Variants in SLC24A3 observed in about 807,000 individuals in gnomAD.
The protein encoded by SLC24A3 is solute carrier family 24 member 3, also known as sodium/potassium/calcium exchanger 3.
Under a neutral mutation model 75.8 loss-of-function variants are expected in SLC24A3, and 28 were observed. The observed-to-expected ratio is 0.37, with a 90% confidence interval of 0.27 to 0.51. The LOEUF (loss-of-function observed/expected upper bound fraction) is 0.51, where lower values mean the gene tolerates loss of function less well. Among genes scored for constraint, SLC24A3 ranks in the 20% least tolerant of loss-of-function variants. The probability of loss-of-function intolerance (pLI) is 0.94; values close to 1 mark genes in which losing one functional copy is unlikely to be tolerated. For missense variants in SLC24A3, 663 were observed against 847.8 expected (o/e 0.78, Z 2.71); for synonymous variants, 372 against 334.1 (o/e 1.11, Z -1.24).
intron 2 of SLC24A3, among the ~76,000 whole-genome samples, chr20:19,501,803 G>A (rs544589562): frequency 2.0e-5 from 3 of 152,168 alleles, no homozygotes; most frequent in South Asian, 2.1e-4. Flanking sequence ...GTTTATCCAC[G>A]TAAGTTGACA....
Position 19,212,935 on chromosome 20 carries a change from C to T in SLC24A3, c.93C>T (p.Ala31=). Residue 31 remains alanine, a synonymous_variant, in exon 1 of 17, where the codon GCC becomes GCT. Transcript: ENST00000328041. ...DLLLSQLCFL[A]SVALLLWSLS... Reference sequence around the variant, plus strand: ...TGCTGAGCCAGCTCTGCTTCCTGGCCTCGGTGGCGCTGCTGCTCTGGTCGC... The same window carrying T: ...TGCTGAGCCAGCTCTGCTTCCTGGCTTCGGTGGCGCTGCTGCTCTGGTCGC... 1 of 1,348,936 alleles carries T rather than the reference C, an allele frequency of 7.4e-7. No individual in the cohort carries two copies. The highest frequency in any genetic ancestry group is 1.5e-5 in the African/African-American group (1 of 66,932). 83.6% of individuals were successfully genotyped at this position (1,348,936 alleles called of 1,614,324 possible). A position where few individuals can be genotyped will look rare whatever the true frequency, so the allele number is the denominator to read the frequency against.
chr20:19,702,879 G>T (rs1157694088), intron 15 of SLC24A3, among the ~76,000 whole-genome samples: 1 of 152,124 alleles, frequency 6.6e-6, no homozygotes, highest in Non-Finnish European at 1.5e-5. Context: ...AAAATTTCTG[G>T]TTAGCTTATT....
chr20:19,235,417 TA>T (rs1316310724), intron 1 of SLC24A3, among the ~76,000 whole-genome samples: 1 of 152,182 alleles, frequency 6.6e-6, no homozygotes, highest in Non-Finnish European at 1.5e-5. Context: ...TGCCTTAATC[TA>T]AAGCAAAACT....
intron 2 of SLC24A3, among the ~76,000 whole-genome samples, chr20:19,301,941 C>A (rs914626507): frequency 1.3e-5 from 2 of 152,240 alleles, no homozygotes; most frequent in Non-Finnish European, 2.9e-5. Context: ...TAAAGCCCTG[C>A]ATTCTCTCAA....
At chr20:19,703,197 GAGA>G (rs1246477402) in intron 15 of SLC24A3, among the ~76,000 whole-genome samples, 2 of 152,150 alleles carry the variant, frequency 1.3e-5, no homozygotes, top group African/African-American at 4.8e-5. Context: ...TCCCTATGAA[GAGA>G]AGAACCCCAA....
intron 2 of SLC24A3, among the ~76,000 whole-genome samples, chr20:19,503,532 A>T (rs1600256416): frequency 6.6e-6 from 1 of 152,224 alleles, no homozygotes; most frequent in East Asian, 1.9e-4. Flanking sequence ...TAGTGCTTTG[A>T]CCTAAAATTA....
At chr20:19,375,621 A>G (rs559232809) in intron 2 of SLC24A3, among the ~76,000 whole-genome samples, 3 of 152,310 alleles carry the variant, frequency 2.0e-5, no homozygotes, top group African/African-American at 7.2e-5. Flanking sequence ...ATCAAACTCC[A>G]TGACAGATGT....
intron 3 of SLC24A3, among the ~76,000 whole-genome samples, chr20:19,571,455 G>A (rs1375050622): frequency 6.6e-6 from 1 of 152,082 alleles, no homozygotes; most frequent in Non-Finnish European, 1.5e-5. Flanking sequence ...GGAGGAAGAG[G>A]GAGAGAGAGG....
intron 2 of SLC24A3, among the ~76,000 whole-genome samples, chr20:19,356,854 AATAATAATAATAATAAT>A (rs1985696397): frequency 6.6e-6 from 1 of 151,152 alleles, no homozygotes. Flanking sequence ...ACTTTGCATT[AATAATAATAATAATAAT>A]AATAATTCCT....
At chr20:19,473,683 T>C (rs997129651) in intron 2 of SLC24A3, among the ~76,000 whole-genome samples, 3 of 152,204 alleles carry the variant, frequency 2.0e-5, no homozygotes, top group African/African-American at 7.2e-5. Flanking sequence ...CCTTGTGTGG[T>C]CTGTGTAGTT....
chr20:19,580,966 C>T (rs6075535), intron 4 of SLC24A3, among the ~76,000 whole-genome samples: 12,976 of 152,126 alleles, frequency 0.085, 646 homozygotes, highest in Middle Eastern at 0.12. Context: ...ATTTCTAATA[C>T]GTTTTTCAGG....
At chr20:19,430,872 G>A (rs1425499020) in intron 2 of SLC24A3, among the ~76,000 whole-genome samples, 3 of 151,946 alleles carry the variant, frequency 2.0e-5, no homozygotes, top group Non-Finnish European at 4.4e-5. Flanking sequence ...ACACACATAC[G>A]CAGACACGGT....
chr20:19,297,995 C>A (rs1984100040), intron 2 of SLC24A3, among the ~76,000 whole-genome samples: 1 of 152,206 alleles, frequency 6.6e-6, no homozygotes, highest in Non-Finnish European at 1.5e-5. Flanking sequence ...TGCAGCACTG[C>A]ACATTCAGCT....
chr20:19,366,974 C>G (rs1240594635), intron 2 of SLC24A3, among the ~76,000 whole-genome samples: 2 of 152,150 alleles, frequency 1.3e-5, no homozygotes, highest in African/African-American at 2.4e-5. Flanking sequence ...GAAACAGATG[C>G]ACCAATTGGC....
At chr20:19,506,311 C>A (rs925555080) in intron 2 of SLC24A3, among the ~76,000 whole-genome samples, 1 of 152,210 alleles carries the variant, frequency 6.6e-6, no homozygotes, top group Admixed American at 6.5e-5. Context: ...CCATCTGTTC[C>A]CATGACTTGT....
At chr20:19,645,786 G>A (rs2032129677) in intron 6 of SLC24A3, among the ~76,000 whole-genome samples, 1 of 152,194 alleles carries the variant, frequency 6.6e-6, no homozygotes, top group Non-Finnish European at 1.5e-5. Context: ...GAGCACAGTG[G>A]CTCACCCCCG....
At chr20:19,470,801 G>T (rs1019428514) in intron 2 of SLC24A3, among the ~76,000 whole-genome samples, 1 of 152,186 alleles carries the variant, frequency 6.6e-6, no homozygotes, top group African/African-American at 2.4e-5. Context: ...ACATGTTAGT[G>T]ATGTGAAACT....
At chr20:19,492,310 C>A (rs976213187) in intron 2 of SLC24A3, among the ~76,000 whole-genome samples, 2 of 152,138 alleles carry the variant, frequency 1.3e-5, no homozygotes, top group African/African-American at 4.8e-5. Flanking sequence ...TTGTCTCTGC[C>A]ACTTATGAGT....
chr20:19,294,552 A>G (rs369887845), intron 2 of SLC24A3, among the ~76,000 whole-genome samples: 1 of 152,200 alleles, frequency 6.6e-6, no homozygotes, highest in East Asian at 1.9e-4. Flanking sequence ...CCGTGCTTGC[A>G]TTAGTTTTCT....
Sources: gnomAD v4.1 joint callset for allele counts (sites outside exome capture counted in the v4.1 genomes callset) on GRCh38, gnomAD v4.1.1 for gene constraint, MANE v1.5 for transcripts, NCBI Gene and HGNC (gene_info 2026-07-23, HGNC 2026-07-21) for gene names.